Variants in REEP1 observed in about 807,000 individuals in gnomAD.
REEP1 encodes receptor expression-enhancing protein 1.
In REEP1, 22 loss-of-function variants were observed where a neutral mutation model predicts 40.3. The observed-to-expected ratio is 0.55, with a 90% CI of 0.39 to 0.78. The LOEUF is 0.78. REEP1 is among the 30% of genes least tolerant of loss of function. The pLI is 0.00. For synonymous variants in REEP1, 116 were observed against 139.2 expected (o/e 0.83, Z 1.17); for missense variants, 280 against 361.1 (o/e 0.78, Z 1.82).
intron 1 of REEP1, among the ~76,000 whole-genome samples, chr2:86,288,032 A>ATTTTTTTTTTTTTTTTTTTTTTTTTTTT (rs1558916457): frequency 8.0e-5 from 12 of 149,840 alleles, no homozygotes; most frequent in African/African-American, 3.0e-4. Flanking sequence ...TATTTTTATT[A>ATTTTTTTTTTTTTTTTTTTTTTTTTTTT]TTTTTTTGAG....
chr2:86,273,552 C>T lies in REEP1; in HGVS notation c.105+8618G>A, dbSNP rs567648365. 5.9e-5 allele frequency among the ~76,000 whole-genome samples: 9 copies of T among 152,140 alleles called. No individual in the cohort carries two copies. The East Asian group carries it at 1.4e-3, about 23-fold the overall frequency. On this transcript the variant is annotated intron_variant, in intron 2 of 8. Transcript: ENST00000538924. ...CCACCTGCCTCAGTCTCCCAAAGTG[C>T]TGGGATTACAGGCTTGATCCACCAC... is the stretch of plus-strand genomic sequence containing the variant.
chr2:86,335,924 C>A (rs1421806467), intron 1 of REEP1, among the ~76,000 whole-genome samples: 1 of 145,882 alleles, frequency 6.9e-6, no homozygotes, highest in Non-Finnish European at 1.5e-5. Context: ...TGACCCAGTG[C>A]TAATAAAACT....
At chr2:86,314,022 T>C (rs1468303235) in intron 1 of REEP1, among the ~76,000 whole-genome samples, 1 of 152,228 alleles carries the variant, frequency 6.6e-6, no homozygotes, top group African/African-American at 2.4e-5. Flanking sequence ...TGACTTTGTA[T>C]CCAACCACAG....
chr2:86,280,440 A>G (rs1027422850), intron 2 of REEP1, among the ~76,000 whole-genome samples: 2 of 152,338 alleles, frequency 1.3e-5, no homozygotes, highest in South Asian at 2.1e-4. Context: ...CTCTCAGAAG[A>G]GCTGACAGAG....
intron 6 of REEP1, among the ~76,000 whole-genome samples, chr2:86,228,312 C>T (rs149997855): frequency 8.1e-4 from 123 of 152,218 alleles, no homozygotes; most frequent in Non-Finnish European, 1.2e-3. Context: ...GCTGAGTGAC[C>T]GTGCAGGGAC....
intron 2 of REEP1, among the ~76,000 whole-genome samples, chr2:86,272,173 G>A (rs1158097692): frequency 2.6e-5 from 4 of 152,206 alleles, no homozygotes; most frequent in Admixed American, 2.6e-4. Context: ...AGTGAGCCAA[G>A]AGCACGCCAC....
chr2:86,327,202 A>G (rs374476010), intron 1 of REEP1, among the ~76,000 whole-genome samples: 1 of 152,112 alleles, frequency 6.6e-6, no homozygotes, highest in East Asian at 1.9e-4. Flanking sequence ...TCTTTTCCAC[A>G]TGGGCTTATT....
chr2:86,278,560 A>T (rs1677891232), intron 2 of REEP1, among the ~76,000 whole-genome samples: 1 of 152,212 alleles, frequency 6.6e-6, no homozygotes, highest in Non-Finnish European at 1.5e-5. Context: ...GGGTAGCCTA[A>T]GAGGCAGCTG....
At chr2:86,314,728 T>C (rs1679916570) in intron 1 of REEP1, among the ~76,000 whole-genome samples, 1 of 149,388 alleles carries the variant, frequency 6.7e-6, no homozygotes, top group South Asian at 2.2e-4. Context: ...CGGAGTGCAG[T>C]GGCGCGATCT....
chr2:86,232,125 T>C (rs1239534688), intron 6 of REEP1, among the ~76,000 whole-genome samples: 2 of 151,928 alleles, frequency 1.3e-5, no homozygotes, highest in African/African-American at 4.8e-5. Context: ...GTGAGGTACA[T>C]GAGAGGTCAG....
chr2:86,257,501 C>T (rs368350357), intron 3 of REEP1, among the ~76,000 whole-genome samples: 1 of 152,140 alleles, frequency 6.6e-6, no homozygotes, highest in Non-Finnish European at 1.5e-5. Context: ...TATATGACTC[C>T]CTGAGTTGCC....
intron 5 of REEP1, among the ~76,000 whole-genome samples, chr2:86,246,732 A>T (rs1363744559): frequency 6.3e-5 from 8 of 126,192 alleles, no homozygotes; most frequent in Non-Finnish European, 5.0e-5. Flanking sequence ...ACAGAGTTTC[A>T]CTCTTGTTGC....
intron 5 of REEP1, among the ~76,000 whole-genome samples, chr2:86,248,299 G>T (rs144018663): frequency 1.5e-4 from 23 of 152,318 alleles, no homozygotes; most frequent in African/African-American, 4.8e-4. Flanking sequence ...AGTGAGAACT[G>T]ATTTGTAAGT....
At chr2:86,225,232 C>T (rs1674619592) in intron 7 of REEP1, among the ~76,000 whole-genome samples, 1 of 152,208 alleles carries the variant, frequency 6.6e-6, no homozygotes, top group Non-Finnish European at 1.5e-5. Flanking sequence ...GCTCAGACTC[C>T]TCTGTCAGTT....
intron 3 of REEP1, among the ~76,000 whole-genome samples, chr2:86,259,263 TA>T (rs56151955): frequency 0.4 from 59,097 of 147,514 alleles, 13,751 homozygotes; most frequent in East Asian, 0.65. Context: ...GCACTCTGTC[TA>T]AAAAAAAAAA....
intron 2 of REEP1, among the ~76,000 whole-genome samples, chr2:86,277,556 A>C (rs922721545): frequency 1.3e-4 from 9 of 67,522 alleles, no homozygotes; most frequent in African/African-American, 2.7e-4. Flanking sequence ...ACTCTGTATC[A>C]AAAAAAAAAA....
intron 3 of REEP1, among the ~76,000 whole-genome samples, chr2:86,260,244 G>C (rs1676786345): frequency 6.6e-6 from 1 of 152,176 alleles, no homozygotes; most frequent in Non-Finnish European, 1.5e-5. Flanking sequence ...AGGTTCCTAA[G>C]GAGCCTCTTC....
chr2:86,304,809 T>A (rs1472687813), intron 1 of REEP1, among the ~76,000 whole-genome samples: 1 of 152,140 alleles, frequency 6.6e-6, no homozygotes, highest in Non-Finnish European at 1.5e-5. Context: ...TGCTCTCAGA[T>A]TTTTTTCCCC....
At chr2:86,267,450 T>C (rs1455564589) in intron 2 of REEP1, among the ~76,000 whole-genome samples, 6 of 152,298 alleles carry the variant, frequency 3.9e-5, no homozygotes, top group Non-Finnish European at 5.9e-5. Flanking sequence ...ACCTCATTTA[T>C]AAATTACCCA....
Sources: gnomAD v4.1 joint callset for allele counts (sites outside exome capture counted in the v4.1 genomes callset) on GRCh38, gnomAD v4.1.1 for gene constraint, MANE v1.5 for transcripts, NCBI Gene and HGNC (gene_info 2026-07-23, HGNC 2026-07-21) for gene names.